The following SARNP variants were observed in gnomAD, a reference collection of about 807,000 sequenced individuals.
The protein encoded by SARNP is SAP domain containing ribonucleoprotein.
SARNP carries 5 observed loss-of-function variants against 38.1 expected under a neutral mutation model. That is an observed-to-expected ratio of 0.13 (90% confidence interval 0.07 to 0.28). The LOEUF (loss-of-function observed/expected upper bound fraction) is 0.28. Ranked by LOEUF, SARNP falls within the 10% of genes least tolerant of loss-of-function variation. SARNP has a pLI of 1.00. For synonymous variants in SARNP, 84 were observed against 80.6 expected, an observed-to-expected ratio of 1.04 and a Z score of -0.23; for missense variants, 180 against 243.9, an observed-to-expected ratio of 0.74 and a Z score of 1.75.
At chr12:55,778,984 A>G (rs1244762909) in intron 9 of SARNP, among the ~76,000 whole-genome samples, 4 of 149,884 alleles carry the variant, frequency 2.7e-5, no homozygotes, top group South Asian at 2.1e-4. Context: ...GCAAAGCAAA[A>G]CAAAACAAAA....
rs56963700 is a variant in SARNP at position 55,809,750 on chromosome 12, C to CAA, written c.37-6024_37-6023dup. On this transcript the variant is annotated intron_variant, in intron 1 of 10. Coordinates refer to ENST00000336133, the MANE Select transcript of SARNP (RefSeq NM_033082.4). ...AGAAGGGAGACCCTGTCTCAAAAAACAAAAAAAAAAAAGAAAAGAGTTATA... is the reference window on the plus strand; with the variant it reads ...AGAAGGGAGACCCTGTCTCAAAAAACAAAAAAAAAAAAAAGAAAAGAGTTATA... Among the ~76,000 whole-genome samples, 406 of 142,684 alleles carry CAA rather than the reference C, an allele frequency of 2.8e-3. 1 individual carries two copies. The highest frequency in any genetic ancestry group is 5.6e-3 in the South Asian group (26 of 4,612). The allele number at this position is 142,684 out of a possible 152,430, so 93.6% of individuals were successfully genotyped here.
chr12:55,793,592 C>CCATAA (rs1275291388), intron 7 of SARNP: 3 of 150,972 alleles, frequency 2.0e-5, no homozygotes, highest in Non-Finnish European at 4.4e-5. Context: ...TTATGGTGAA[C>CCATAA]CCTCAGATAC....
Position 55,768,698 on chromosome 12 carries a change from G to T in SARNP, c.502-8058C>A, listed in dbSNP as rs181955625. ...CCGCCGCAGCCTCCCAAAGTGCTAG[G>T]ATTACAGGCGTGAGCTACCATGTCC... On this transcript the variant is annotated intron_variant, in intron 9 of 10. Coordinates refer to ENST00000336133, the MANE Select transcript of SARNP (RefSeq NM_033082.4). Among the ~76,000 whole-genome samples the T allele has an allele frequency of 6.6e-5, 10 of 152,194 alleles. No homozygotes were observed. The South Asian group carries it at 2.1e-3, about 32-fold the overall frequency.
At chr12:55,768,340 G>T (rs1045467586) in intron 9 of SARNP, among the ~76,000 whole-genome samples, 5 of 151,684 alleles carry the variant, frequency 3.3e-5, no homozygotes, top group Non-Finnish European at 1.5e-5. Flanking sequence ...ATGTTGGCTT[G>T]GCTGGTCTCG....
chr12:55,776,462 T>C (rs956866546), intron 9 of SARNP, among the ~76,000 whole-genome samples: 3 of 152,220 alleles, frequency 2.0e-5, no homozygotes, highest in African/African-American at 7.2e-5. Context: ...AGTATTTGCA[T>C]ATAAACTATG....
At chr12:55,813,912 G>A (rs933865192) in intron 1 of SARNP, among the ~76,000 whole-genome samples, 5 of 152,128 alleles carry the variant, frequency 3.3e-5, no homozygotes, top group African/African-American at 1.2e-4. Context: ...CTCTCTCTGA[G>A]CTATGGTTTT....
chr12:55,769,011 C>T (rs1592558472), intron 9 of SARNP, among the ~76,000 whole-genome samples: 2 of 152,204 alleles, frequency 1.3e-5, no homozygotes, highest in East Asian at 3.8e-4. Context: ...GCCACCATGC[C>T]AGGCCAAACT....
chr12:55,800,729 C>T (rs1879955967), intron 3 of SARNP, 100 bp from the exon 4 acceptor site: 1 of 1,265,420 alleles, frequency 7.9e-7, no homozygotes, highest in South Asian at 1.2e-5. Context: ...TCTCTCAGAA[C>T]CTTCATACCC....
intron 10 of SARNP, among the ~76,000 whole-genome samples, chr12:55,759,125 T>A (rs954962374): frequency 1.3e-5 from 2 of 152,056 alleles, no homozygotes; most frequent in African/African-American, 4.8e-5. Context: ...CAAGTGATCC[T>A]CCCACACTGC....
chr12:55,774,799 C>G (rs752031576), intron 9 of SARNP, among the ~76,000 whole-genome samples: 3 of 151,474 alleles, frequency 2.0e-5, no homozygotes, highest in Admixed American at 2.0e-4. Flanking sequence ...TTCTCAGTTA[C>G]GCATCTCCCC....
intron 8 of SARNP, 129 bp downstream of exon 8, chr12:55,790,438 C>T (rs1319186520): frequency 2.9e-6 from 3 of 1,041,600 alleles, no homozygotes; most frequent in South Asian, 1.7e-5. Context: ...AGACATACAA[C>T]ATTGTACTGA....
At chr12:55,784,841 G>T (rs1332788180) in intron 9 of SARNP, among the ~76,000 whole-genome samples, 1 of 152,186 alleles carries the variant, frequency 6.6e-6, no homozygotes, top group Non-Finnish European at 1.5e-5. Context: ...TTTAAATTAG[G>T]ATAGTTCTGA....
At chr12:55,770,688 T>C (rs1314819911) in intron 9 of SARNP, among the ~76,000 whole-genome samples, 2 of 152,200 alleles carry the variant, frequency 1.3e-5, no homozygotes, top group Non-Finnish European at 2.9e-5. Context: ...GTTCCCTTTT[T>C]ACAGCAGAGT....
intron 7 of SARNP, among the ~76,000 whole-genome samples, chr12:55,792,159 A>T (rs1462409852): frequency 6.6e-6 from 1 of 152,166 alleles, no homozygotes; most frequent in Non-Finnish European, 1.5e-5. Flanking sequence ...ATCTCTCTTG[A>T]TGCAACTAAG....
intron 9 of SARNP, among the ~76,000 whole-genome samples, chr12:55,775,061 G>C (rs1879135443): frequency 6.7e-6 from 1 of 149,914 alleles, no homozygotes; most frequent in South Asian, 2.1e-4. Context: ...TAATTTTTTT[G>C]TATTTTTAGT....
At chr12:55,757,614 G>A in intron 10 of SARNP, 61 bp from the exon 11 acceptor site, 1 of 1,415,886 alleles carries the variant, frequency 7.1e-7, no homozygotes, top group Non-Finnish European at 9.8e-7. Flanking sequence ...CTGGGTTCCT[G>A]GCTGCTTTAA....
rs978715891 is a variant in SARNP, at chr12:55,811,126, T to C, written c.36+6540A>G. Among the ~76,000 whole-genome samples, 4 of 151,830 alleles carry C rather than the reference T, an allele frequency of 2.6e-5. No individual in the cohort carries two copies. The South Asian group carries it at 6.2e-4, about 24-fold the overall frequency. ...ATCTTTTTCATGTTATGTCAACATA[T>C]AGTTTGTAAATTCTTTGAAGGCAGA... On this transcript the variant is annotated intron_variant, in intron 1 of 10. Coordinates refer to ENST00000336133, the MANE Select transcript of SARNP (RefSeq NM_033082.4).
At chr12:55,796,950 T>C (rs909831788) in intron 4 of SARNP, among the ~76,000 whole-genome samples, 12 of 151,968 alleles carry the variant, frequency 7.9e-5, no homozygotes, top group Admixed American at 6.5e-4. Flanking sequence ...GGTAAGCTAG[T>C]GGTCAAAGGT....
At chr12:55,756,726 G>A (rs946152970), downstream of SARNP, 11 of 152,196 alleles carry the variant, frequency 7.2e-5, no homozygotes, top group Non-Finnish European at 1.0e-4. Context: ...CTAACAATGC[G>A]TAACAGCTCT....
Sources: allele counts gnomAD v4.1 joint callset (sites outside exome capture counted in the v4.1 genomes callset), GRCh38; gene constraint gnomAD v4.1.1; transcripts MANE v1.5; gene names NCBI Gene and HGNC (gene_info 2026-07-23, HGNC 2026-07-21).